Variants in VTA1 observed in about 807,000 individuals in gnomAD.
VTA1 encodes the protein vacuolar protein sorting-associated protein VTA1 homolog.
Under a neutral mutation model 36.9 loss-of-function variants are expected in VTA1, and 24 were observed. The ratio of observed to expected loss-of-function variants is 0.65; its 90% confidence interval spans 0.47 to 0.91. The LOEUF is 0.91. Among genes scored for constraint, VTA1 ranks in the 40% least tolerant of loss-of-function variants. The pLI, the probability that VTA1 is intolerant of heterozygous loss-of-function variation, is 0.00. For missense variants in VTA1, 393 were observed against 377.2 expected, an observed-to-expected ratio of 1.04 and a Z score of -0.35; for synonymous variants, 142 against 130.2, an observed-to-expected ratio of 1.09 and a Z score of -0.62.
chr6:142,217,142 C>T (rs225709), intron 7 of VTA1, among the ~76,000 whole-genome samples: 58,328 of 151,938 alleles, frequency 0.38, 13,306 homozygotes, highest in Middle Eastern at 0.54. Context: ...AAATTGGGAT[C>T]GGTAATCCCT....
intron 2 of VTA1, among the ~76,000 whole-genome samples, chr6:142,167,421 A>G (rs1774937422): frequency 2.0e-5 from 3 of 152,202 alleles, no homozygotes; most frequent in South Asian, 4.1e-4. Context: ...GCTTATTTAG[A>G]TATCCAACCT....
rs552820764 is a variant in VTA1 at position 142,162,123 on chromosome 6, T to C, written c.113-4105T>C. Among the ~76,000 whole-genome samples, 4 of 152,328 alleles carry C rather than the reference T, an allele frequency of 2.6e-5. No individual in the cohort carries two copies. The South Asian group carries it at 8.3e-4, about 32-fold the overall frequency. On this transcript the variant is annotated intron_variant, in intron 1 of 7. Coordinates refer to ENST00000367630, the MANE Select transcript of VTA1 (RefSeq NM_016485.5). ...TTATAATTACACTGTGTTTAACTAT[T>C]AGTTATCTGGATTAGGTTAACTTCT...
intron 7 of VTA1, among the ~76,000 whole-genome samples, chr6:142,217,714 C>T (rs906601559): frequency 6.6e-6 from 1 of 151,900 alleles, no homozygotes; most frequent in African/African-American, 2.4e-5. Flanking sequence ...GATTAGTACT[C>T]CTGAGAATTC....
intron 1 of VTA1, among the ~76,000 whole-genome samples, chr6:142,157,245 A>G (rs908083324): frequency 1.3e-5 from 2 of 152,264 alleles, no homozygotes; most frequent in Non-Finnish European, 2.9e-5. Context: ...AAATTCATTC[A>G]GACAAGTTTA....
At chr6:142,175,441 T>C (rs958692937) in intron 4 of VTA1, among the ~76,000 whole-genome samples, 3 of 152,080 alleles carry the variant, frequency 2.0e-5, no homozygotes, top group African/African-American at 7.2e-5. Flanking sequence ...TTATCTTCTC[T>C]TCAGGTCTCA....
chr6:142,149,045 C>G (rs1487297374), intron 1 of VTA1, among the ~76,000 whole-genome samples: 1 of 152,162 alleles, frequency 6.6e-6, no homozygotes, highest in Admixed American at 6.5e-5. Flanking sequence ...TCCTTTCCCT[C>G]TAGATTTTTC....
chr6:142,217,540 C>T (rs564844281), intron 7 of VTA1, among the ~76,000 whole-genome samples: 1 of 151,350 alleles, frequency 6.6e-6, no homozygotes, highest in South Asian at 2.1e-4. Context: ...TAATTTTATG[C>T]TGCGTGTGTG....
At chr6:142,205,333 C>T (rs225691) in intron 7 of VTA1, among the ~76,000 whole-genome samples, 87,712 of 151,918 alleles carry the variant, frequency 0.58, 25,632 homozygotes, top group Middle Eastern at 0.61. Flanking sequence ...TTATTTCCTT[C>T]TGTGTTACTT....
intron 4 of VTA1, among the ~76,000 whole-genome samples, chr6:142,178,904 A>G (rs1775174127): frequency 6.6e-6 from 1 of 152,186 alleles, no homozygotes; most frequent in Non-Finnish European, 1.5e-5. Flanking sequence ...AAAATATGGA[A>G]AAAGATGCTT....
chr6:142,155,261 A>G (rs1158783650), intron 1 of VTA1, among the ~76,000 whole-genome samples: 1 of 152,174 alleles, frequency 6.6e-6, no homozygotes, highest in Non-Finnish European at 1.5e-5. Context: ...TTTGGAAAGC[A>G]TTTTGGCAAA....
At chr6:142,172,861 A>G (rs1775054085) in intron 4 of VTA1, among the ~76,000 whole-genome samples, 1 of 152,136 alleles carries the variant, frequency 6.6e-6, no homozygotes. Context: ...GAAGACCTAC[A>G]ATCTTCAGTT....
At position 142,219,935 on chromosome 6, in the gene VTA1, G is replaced by T. The variant is rs1013839819; in HGVS notation, c.*1292G>T. On this transcript the variant is annotated 3_prime_UTR_variant, in exon 8 of 8. Coordinates refer to ENST00000367630, the MANE Select transcript of VTA1 (RefSeq NM_016485.5). Reference sequence around the variant, plus strand: ...CCACAACTGCAGAGTTGTATGGCTTGCAAGTCTAAAAACATTTACTATTTG... The same window carrying T: ...CCACAACTGCAGAGTTGTATGGCTTTCAAGTCTAAAAACATTTACTATTTG... 6.6e-6 allele frequency: 1 copy of T among 152,146 alleles called. No individual in the cohort carries two copies. Among genetic ancestry groups the T allele is most frequent in the African/African-American group, 2.4e-5 (1 of 41,438 alleles). 9.4% of individuals were successfully genotyped at this position (152,146 alleles called of 1,614,324 possible). A position where few individuals can be genotyped will look rare whatever the true frequency, so the allele number is the denominator to read the frequency against.
intron 1 of VTA1, among the ~76,000 whole-genome samples, chr6:142,148,698 A>G (rs1174004105): frequency 6.6e-6 from 1 of 152,188 alleles, no homozygotes; most frequent in Non-Finnish European, 1.5e-5. Context: ...AGGAAAAGGA[A>G]TAAGAGTATC....
chr6:142,154,904 C>G (rs1041488389), intron 1 of VTA1, among the ~76,000 whole-genome samples: 4 of 151,992 alleles, frequency 2.6e-5, no homozygotes, highest in Non-Finnish European at 4.4e-5. Context: ...GAAAATTACT[C>G]CTTTTCCTCA....
intron 5 of VTA1, among the ~76,000 whole-genome samples, chr6:142,193,916 T>C (rs956101623): frequency 6.6e-6 from 1 of 152,076 alleles, no homozygotes. Flanking sequence ...CCACAAGATA[T>C]TACACTGGTC....
intron 4 of VTA1, among the ~76,000 whole-genome samples, chr6:142,174,928 C>T (rs11961155): frequency 0.017 from 2,522 of 152,256 alleles, 74 homozygotes; most frequent in African/African-American, 0.057. Flanking sequence ...AGAAGCCAAG[C>T]AGATGCTGGG....
intron 4 of VTA1, among the ~76,000 whole-genome samples, chr6:142,175,995 T>C (rs544671148): frequency 6.6e-6 from 1 of 152,314 alleles, no homozygotes; most frequent in East Asian, 1.9e-4. Flanking sequence ...TTTGCTGTTA[T>C]GTAAGCTTCT....
At chr6:142,196,899 T>C (rs1014238725) in intron 5 of VTA1, among the ~76,000 whole-genome samples, 1 of 152,180 alleles carries the variant, frequency 6.6e-6, no homozygotes, top group African/African-American at 2.4e-5. Flanking sequence ...TGTTTCAGCT[T>C]TAAGTTGCTT....
intron 1 of VTA1, among the ~76,000 whole-genome samples, chr6:142,153,765 A>G (rs947516762): frequency 6.6e-6 from 1 of 152,118 alleles, no homozygotes; most frequent in Non-Finnish European, 1.5e-5. Flanking sequence ...TCATATTTGA[A>G]ACATCCCTCC....
Sources: allele counts gnomAD v4.1 joint callset (sites outside exome capture counted in the v4.1 genomes callset), GRCh38; gene constraint gnomAD v4.1.1; transcripts MANE v1.5; gene names NCBI Gene and HGNC (gene_info 2026-07-23, HGNC 2026-07-21).